The following ZNF730 variants were observed in gnomAD, a reference collection of about 807,000 sequenced individuals.
The protein encoded by ZNF730 is putative zinc finger protein 730.
A neutral mutation model predicts 12.6 loss-of-function variants in ZNF730; 12 were observed. The ratio of observed to expected loss-of-function variants is 0.95; its 90% CI spans 0.61 to 1.54. The LOEUF is 1.54. ZNF730 is among the 40% of genes most tolerant of loss of function. The pLI is 0.00. For missense variants in ZNF730, 643 were observed against 583.5 expected, an observed-to-expected ratio of 1.10 and a Z score of -1.05; for synonymous variants, 194 against 195.8, an observed-to-expected ratio of 0.99 and a Z score of 0.08.
chr19:23,079,209 G>A (rs915456715), intron 1 of ZNF730, among the ~76,000 whole-genome samples: 1 of 152,218 alleles, frequency 6.6e-6, no homozygotes, highest in East Asian at 1.9e-4. Context: ...CCAGGGTAGA[G>A]CGCAGCGGTG....
chr19:23,118,366 GTT>G (rs3841327), intron 1 of ZNF730, among the ~76,000 whole-genome samples: 3 of 139,460 alleles, frequency 2.2e-5, no homozygotes, highest in Admixed American at 1.4e-4. Context: ...TTTGTTTTTT[GTT>G]TTTTTTTTTT....
In ZNF730 at chr19:23,089,161, G is replaced by A. The variant is rs79127648; in HGVS notation, c.-94+13774G>A. Among the ~76,000 whole-genome samples, 125 of 152,174 alleles carry A rather than the reference G, an allele frequency of 8.2e-4. 2 individuals are homozygous for A. In the East Asian group the frequency reaches 0.023, roughly 28 times the overall value. On this transcript the variant is annotated intron_variant, in intron 1 of 2. Coordinates refer to the ZNF730 transcript ENST00000593635. ...GTTGGGCTTACAGGCGTGAGCCACC[G>A]CGCCTGGCTGATTATGTGGTTTTTG...
At chr19:23,111,256 T>C (rs1193744109) in intron 1 of ZNF730, among the ~76,000 whole-genome samples, 8 of 152,228 alleles carry the variant, frequency 5.3e-5, no homozygotes. Flanking sequence ...ACATTTCTGC[T>C]ACCTGATGAG....
rs1313787776 is a variant in ZNF730 at position 23,145,492 on chromosome 19, T to C, written c.448T>C (p.Tyr150His). The change falls in exon 4 of 4, where the codon TAT (tyrosine) becomes CAT (histidine). Residue 150 changes from tyrosine to histidine, a missense_variant. Tyr to His is a moderately conservative substitution (Grantham distance 83). Coordinates refer to ENST00000597761, the MANE Select transcript of ZNF730 (RefSeq NM_001277403.2). Reference protein sequence around the residue: ...SHSKIFQCDKYVKVFHKFSNS... With the variant: ...SHSKIFQCDKHVKVFHKFSNS... ...TAGCAAAATATTTCAGTGTGACAAA[T>C]ATGTGAAAGTCTTTCATAAATTTTC... 4 of 1,564,752 alleles carry C rather than the reference T, an allele frequency of 2.6e-6. No homozygotes were observed. The South Asian group carries it at 3.5e-5, about 14-fold the overall frequency.
intron 1 of ZNF730, among the ~76,000 whole-genome samples, chr19:23,130,254 G>A (rs1365844017): frequency 6.6e-6 from 1 of 152,064 alleles, no homozygotes; most frequent in Admixed American, 6.6e-5. Flanking sequence ...TTGTAACAAC[G>A]GGAGGTTTCC....
exon 1 of ZNF730, chr19:23,075,255 T>C (rs780049766): frequency 6.6e-6 from 1 of 152,616 alleles, no homozygotes; most frequent in Non-Finnish European, 1.5e-5. Context: ...CGGTCTTCAC[T>C]GTTCCGCGTC....
At chr19:23,137,718 A>G (rs1970853952) in intron 3 of ZNF730, among the ~76,000 whole-genome samples, 1 of 152,212 alleles carries the variant, frequency 6.6e-6, no homozygotes. Flanking sequence ...TCAAGATGTA[A>G]AGATATTCTT....
chr19:23,076,468 A>C (rs1199588282), intron 1 of ZNF730, among the ~76,000 whole-genome samples: 1 of 152,182 alleles, frequency 6.6e-6, no homozygotes, highest in Non-Finnish European at 1.5e-5. Flanking sequence ...CCTTTACAGC[A>C]GCCCTCTGGT....
chr19:23,117,503 G>A (rs1413141362), intron 1 of ZNF730, among the ~76,000 whole-genome samples: 1 of 152,204 alleles, frequency 6.6e-6, no homozygotes, highest in African/African-American at 2.4e-5. Flanking sequence ...GACTCGGGCT[G>A]CGGGTTCATG....
At chr19:23,127,407 C>A in intron 1 of ZNF730, 1 of 966,852 alleles carries the variant, frequency 1.0e-6, no homozygotes, top group Non-Finnish European at 1.6e-6. Context: ...TATTCAGCTT[C>A]CAGTTCCTGT....
At chr19:23,145,032 C>G (rs550451921) in intron 3 of ZNF730, among the ~76,000 whole-genome samples, 73 of 152,228 alleles carry the variant, frequency 4.8e-4, no homozygotes, top group Non-Finnish European at 5.1e-4. Flanking sequence ...AACAGACTTT[C>G]TTTTTTCCTC....
chr19:23,114,105 C>T (rs1970485988), upstream of ZNF730, among the ~76,000 whole-genome samples: 1 of 152,136 alleles, frequency 6.6e-6, no homozygotes, highest in South Asian at 2.1e-4. Context: ...TGTAATCAAT[C>T]TAGCTGTTCC....
Position 23,134,251 on chromosome 19 carries a change from T to A in ZNF730, c.130+45T>A, listed in dbSNP as rs939265146. 10 of 1,440,638 alleles carry A rather than the reference T, an allele frequency of 6.9e-6. No individual in the cohort carries two copies. The Admixed American group carries it at 1.3e-4, about 18-fold the overall frequency. 89.2% of individuals were successfully genotyped at this position (1,440,638 alleles called of 1,614,324 possible). On this transcript the variant is annotated intron_variant, in intron 2 of 3. Coordinates refer to ENST00000597761, the MANE Select transcript of ZNF730 (RefSeq NM_001277403.2). ...ACAATTCCTAATATACCCTATAGAT[T>A]TCATTTATTTTTGTAAAAATTCTGT...
chr19:23,115,187 T>G (rs1350486357), upstream of ZNF730, among the ~76,000 whole-genome samples: 1 of 152,082 alleles, frequency 6.6e-6, no homozygotes, highest in Non-Finnish European at 1.5e-5. Context: ...CTCCAGAATT[T>G]CAAGGGTCTG....
At chr19:23,114,305 C>CTTTTTCTT (rs1970490304), upstream of ZNF730, among the ~76,000 whole-genome samples, 1 of 103,508 alleles carries the variant, frequency 9.7e-6, no homozygotes. Flanking sequence ...TTTTTCTTTT[C>CTTTTTCTT]TTTTTTTTTT....
chr19:23,119,223 G>A (rs530967409), intron 1 of ZNF730, among the ~76,000 whole-genome samples: 1 of 152,306 alleles, frequency 6.6e-6, no homozygotes, highest in African/African-American at 2.4e-5. Flanking sequence ...TCAATGCCAA[G>A]TTTGTTGAGG....
chr19:23,142,705 A>C (rs1970940421), intron 3 of ZNF730, among the ~76,000 whole-genome samples: 1 of 151,270 alleles, frequency 6.6e-6, no homozygotes, highest in Non-Finnish European at 1.5e-5. Context: ...AAAAAAAAAA[A>C]AAAGTTTATC....
intron 3 of ZNF730, among the ~76,000 whole-genome samples, chr19:23,138,514 T>A (rs1409870287): frequency 6.6e-6 from 1 of 152,220 alleles, no homozygotes; most frequent in Non-Finnish European, 1.5e-5. Context: ...AGGCAGGACC[T>A]CTTCCAGACT....
chr19:23,126,238 G>T (rs1363931207), intron 1 of ZNF730, among the ~76,000 whole-genome samples: 3 of 152,080 alleles, frequency 2.0e-5, no homozygotes, highest in Non-Finnish European at 4.4e-5. Context: ...TTATTTAAAG[G>T]TAAATAAGAT....
Sources: allele counts gnomAD v4.1 joint callset (sites outside exome capture counted in the v4.1 genomes callset), GRCh38; gene constraint gnomAD v4.1.1; transcripts MANE v1.5; gene names NCBI Gene and HGNC (gene_info 2026-07-23, HGNC 2026-07-21).